The following KHDRBS2 variants were observed in gnomAD, a reference collection of about 807,000 sequenced individuals.
The protein encoded by KHDRBS2 is KH domain-containing, RNA-binding, signal transduction-associated protein 2.
Under a neutral mutation model 44.3 loss-of-function variants are expected in KHDRBS2, and 26 were observed. The observed-to-expected ratio is 0.59, with a 90% CI of 0.43 to 0.81. KHDRBS2 has a LOEUF of 0.81. Ranked by LOEUF, KHDRBS2 falls within the 40% of genes least tolerant of loss-of-function variation. KHDRBS2 has a pLI of 0.00. For missense variants in KHDRBS2, 476 were observed against 433.1 expected, an observed-to-expected ratio of 1.10 and a Z score of -0.88; for synonymous variants, 194 against 151.1, an observed-to-expected ratio of 1.28 and a Z score of -2.08.
At chr6:61,662,795 G>A in the KHDRBS2 span, among the ~76,000 whole-genome samples, 1 of 151,844 alleles carries the variant, frequency 6.6e-6, no homozygotes, top group Non-Finnish European at 1.5e-5. Flanking sequence ...CTTTTACACT[G>A]TTGGTGGGAC....
the KHDRBS2 span, among the ~76,000 whole-genome samples, chr6:61,567,792 T>C: frequency 1.3e-5 from 2 of 152,148 alleles, no homozygotes. Flanking sequence ...TCTTTCTTTC[T>C]TCATCTTTTC....
chr6:62,168,662 T>A (rs946156694), intron 2 of KHDRBS2, among the ~76,000 whole-genome samples: 15 of 152,282 alleles, frequency 9.9e-5, no homozygotes, highest in African/African-American at 3.6e-4. Flanking sequence ...ATAATTGTCT[T>A]CATTAATATC....
chr6:62,215,913 A>G (rs2150148546), intron 1 of KHDRBS2, among the ~76,000 whole-genome samples: 1 of 151,974 alleles, frequency 6.6e-6, no homozygotes, highest in African/African-American at 2.4e-5. Flanking sequence ...GGAAAAGATT[A>G]ATATGATACT....
At chr6:62,251,007 A>T (rs1265094463) in intron 1 of KHDRBS2, among the ~76,000 whole-genome samples, 1 of 151,998 alleles carries the variant, frequency 6.6e-6, no homozygotes, top group East Asian at 1.9e-4. Flanking sequence ...AATCTTATTA[A>T]GATTGGTAAA....
chr6:62,087,210 C>A (rs930972637), intron 2 of KHDRBS2, among the ~76,000 whole-genome samples: 1 of 152,006 alleles, frequency 6.6e-6, no homozygotes, highest in Non-Finnish European at 1.5e-5. Flanking sequence ...TAACATTCCA[C>A]AAACAATGAA....
chr6:62,240,672 G>GTGTATATATA (rs1252806819), intron 1 of KHDRBS2, among the ~76,000 whole-genome samples: 34 of 64,146 alleles, frequency 5.3e-4, no homozygotes, highest in Non-Finnish European at 8.3e-4. Context: ...ATGTGTGTGT[G>GTGTATATATA]TATATATATA....
the KHDRBS2 span, among the ~76,000 whole-genome samples, chr6:61,582,514 T>A: frequency 6.6e-6 from 1 of 151,612 alleles, no homozygotes; most frequent in African/African-American, 2.4e-5. Flanking sequence ...AGAGAAGAGG[T>A]GGTTTTAATA....
intron 6 of KHDRBS2, among the ~76,000 whole-genome samples, chr6:61,822,074 A>G (rs1367433170): frequency 1.3e-5 from 2 of 151,984 alleles, no homozygotes; most frequent in African/African-American, 2.4e-5. Context: ...ATTCATTTCA[A>G]TGACTTCCAT....
Position 62,044,801 on chromosome 6 carries a change from C to T in KHDRBS2, c.336+3077G>A, listed in dbSNP as rs191361270. The stretch of plus-strand genomic sequence containing the variant: ...AATACTTGCTGATCTAAATTTTAAA[C>T]ATGGCTAATCTTTGTAAAGTCAGGC... On this transcript the variant is annotated intron_variant, in intron 3 of 8. Coordinates refer to ENST00000281156, the MANE Select transcript of KHDRBS2 (RefSeq NM_152688.4). 3.3e-3 allele frequency among the ~76,000 whole-genome samples: 505 copies of T among 152,182 alleles called. 10 individuals are homozygous for T. Among genetic ancestry groups the T allele is most frequent in the Admixed American group, 0.03 (453 of 15,278 alleles).
chr6:61,745,226 C>T lies in KHDRBS2; in HGVS notation c.811-12462G>A, dbSNP rs576832404. 2.0e-5 allele frequency among the ~76,000 whole-genome samples: 3 copies of T among 152,178 alleles called. No individual in the cohort carries two copies. The East Asian group carries it at 5.8e-4, about 29-fold the overall frequency. ...CTAGGCTATAATTAAAAGGAGATAT[C>T]CTGAAACATTTTAGTAATTTTTCTC... is the stretch of plus-strand genomic sequence containing the variant. On this transcript the variant is annotated intron_variant, in intron 6 of 8. Coordinates refer to ENST00000281156, the MANE Select transcript of KHDRBS2 (RefSeq NM_152688.4).
intron 7 of KHDRBS2, among the ~76,000 whole-genome samples, chr6:61,731,924 G>A (rs1364961501): frequency 6.6e-6 from 1 of 152,052 alleles, no homozygotes; most frequent in Non-Finnish European, 1.5e-5. Context: ...GTGTTCTAGA[G>A]AAGGTAAAAC....
the KHDRBS2 span, among the ~76,000 whole-genome samples, chr6:61,607,374 ATAAT>A: frequency 3.6e-4 from 54 of 151,588 alleles, no homozygotes; most frequent in African/African-American, 1.1e-3. Context: ...CAGATATAAA[ATAAT>A]TAAATATAAA....
the KHDRBS2 span, among the ~76,000 whole-genome samples, chr6:61,625,120 G>T: frequency 1.3e-5 from 2 of 151,890 alleles, no homozygotes; most frequent in Admixed American, 6.6e-5. Flanking sequence ...GGATTCTCTT[G>T]TTCAATTTTA....
chr6:61,946,326 TA>T (rs1562493067), intron 4 of KHDRBS2, among the ~76,000 whole-genome samples: 1 of 152,178 alleles, frequency 6.6e-6, no homozygotes, highest in Admixed American at 6.5e-5. Flanking sequence ...AACCACCTCT[TA>T]AAAATTACAT....
At chr6:61,840,689 C>T (rs1396371364) in intron 6 of KHDRBS2, among the ~76,000 whole-genome samples, 1 of 152,132 alleles carries the variant, frequency 6.6e-6, no homozygotes, top group Admixed American at 6.6e-5. Flanking sequence ...GCTGGCATAA[C>T]TGGTGACTTC....
chr6:61,667,486 T>C, the KHDRBS2 span, among the ~76,000 whole-genome samples: 1 of 151,284 alleles, frequency 6.6e-6, no homozygotes, highest in Non-Finnish European at 1.5e-5. Flanking sequence ...TAATTAAATT[T>C]GAAAAATGTC....
chr6:61,903,586 G>C (rs965428464), intron 4 of KHDRBS2, among the ~76,000 whole-genome samples: 1 of 152,124 alleles, frequency 6.6e-6, no homozygotes, highest in African/African-American at 2.4e-5. Flanking sequence ...ATATTAATCA[G>C]ATGGTGTCAC....
intron 7 of KHDRBS2, among the ~76,000 whole-genome samples, chr6:61,707,905 G>C: frequency 6.6e-6 from 1 of 151,542 alleles, no homozygotes; most frequent in East Asian, 1.9e-4. Context: ...AATTCCTATA[G>C]AGTTAAAAAT....
intron 4 of KHDRBS2, among the ~76,000 whole-genome samples, chr6:61,923,350 T>A (rs1808397300): frequency 1.3e-5 from 2 of 151,974 alleles, no homozygotes; most frequent in Admixed American, 1.3e-4. Context: ...CTATTATAAC[T>A]ATGCCAATAA....
Sources: allele counts gnomAD v4.1 joint callset (sites outside exome capture counted in the v4.1 genomes callset), GRCh38; gene constraint gnomAD v4.1.1; transcripts MANE v1.5; gene names NCBI Gene and HGNC (gene_info 2026-07-23, HGNC 2026-07-21).